Variants in RSU1 observed in about 807,000 individuals in gnomAD.
RSU1 encodes the protein rsu-1.
Under a neutral mutation model 31.1 loss-of-function variants are expected in RSU1, and 26 were observed. That is an observed-to-expected ratio of 0.84 (90% CI 0.61 to 1.16). RSU1 has a LOEUF of 1.16. Among genes scored for constraint, RSU1 ranks in the 50% most tolerant of loss-of-function variants. The pLI, the probability that RSU1 is intolerant of heterozygous loss-of-function variation, is 0.00. For synonymous variants in RSU1, 164 were observed against 136.3 expected (o/e 1.20, Z -1.41); for missense variants, 320 against 339.1 (o/e 0.94, Z 0.44).
At chr10:16,740,204 A>G (rs897774513) in intron 7 of RSU1, among the ~76,000 whole-genome samples, 15 of 152,180 alleles carry the variant, frequency 9.9e-5, no homozygotes, top group African/African-American at 3.6e-4. Flanking sequence ...AAAAATTTTA[A>G]GTAAAATACT....
In RSU1 at chr10:16,591,055, G is replaced by A. The variant is rs1412004555; in HGVS notation, c.*2339C>T. On this transcript the variant is annotated 3_prime_UTR_variant, in exon 9 of 9. Coordinates refer to ENST00000345264, the MANE Select transcript of RSU1 (RefSeq NM_012425.4). ...GCCTCCTGAGCAGCTGGGACTACAGGCGCATGCTGCGACGCCCGGCTAATT... is the reference window on the plus strand; with the variant it reads ...GCCTCCTGAGCAGCTGGGACTACAGACGCATGCTGCGACGCCCGGCTAATT... The A allele has an allele frequency of 6.6e-6, 1 of 152,154 alleles. No homozygotes were observed. The highest frequency in any genetic ancestry group is 2.4e-5 in the African/African-American group (1 of 41,426). The allele number at this position is 152,154 out of a possible 1,614,324, so 9.4% of individuals were successfully genotyped here. A position where few individuals can be genotyped will look rare whatever the true frequency, so the allele number is the denominator to read the frequency against.
In RSU1 at chr10:16,782,082, T is replaced by C. The variant is rs1464937233; in HGVS notation, c.112A>G (p.Thr38Ala). The stretch of plus-strand genomic sequence containing the variant: ...ACCAGTTGTGTGATATGGGATAAGG[T>C]AACTAAAAAGAAAAGAAAAAAAAAA... ...SNMLDVNGLF[T>A]LSHITQLVLS... is the part of the protein sequence containing the mutation. Residue 38 changes from threonine to alanine, a missense_variant and splice_region_variant, in exon 3 of 9, where the codon ACC (threonine) becomes GCC (alanine). Transcript: ENST00000345264. 6 of 1,605,444 alleles carry C rather than the reference T, an allele frequency of 3.7e-6. No homozygotes were observed. Among genetic ancestry groups the C allele is most frequent in the Non-Finnish European group, 5.1e-6 (6 of 1,176,894 alleles).
At chr10:16,722,953 T>TAC (rs1226507203) in intron 7 of RSU1, 1 of 148,550 alleles carries the variant, frequency 6.7e-6, no homozygotes, top group Admixed American at 6.9e-5. Flanking sequence ...TATGTATATA[T>TAC]ACACACATAT....
chr10:16,727,144 G>A, intron 7 of RSU1: 1 of 456,538 alleles, frequency 2.2e-6, no homozygotes, highest in Non-Finnish European at 4.4e-6. Context: ...ACAGGATGTG[G>A]CCTCCCATCT....
At chr10:16,762,881 C>T (rs1422884293) in intron 4 of RSU1, among the ~76,000 whole-genome samples, 2 of 151,836 alleles carry the variant, frequency 1.3e-5, no homozygotes, top group Non-Finnish European at 2.9e-5. Flanking sequence ...GGCATGGTGG[C>T]GCACGCCTGT....
At chr10:16,812,747 G>T (rs184978179) in intron 2 of RSU1, among the ~76,000 whole-genome samples, 1 of 151,628 alleles carries the variant, frequency 6.6e-6, no homozygotes, top group Admixed American at 6.6e-5. Flanking sequence ...ACCCAGAGAG[G>T]GCAATACACT....
intron 7 of RSU1, among the ~76,000 whole-genome samples, chr10:16,720,720 T>A (rs1168594486): frequency 6.6e-6 from 1 of 152,232 alleles, no homozygotes; most frequent in African/African-American, 2.4e-5. Context: ...CAAACCCCCA[T>A]CCAGCTATCA....
At chr10:16,795,269 G>T (rs1236632208) in intron 2 of RSU1, among the ~76,000 whole-genome samples, 2 of 147,482 alleles carry the variant, frequency 1.4e-5, no homozygotes, top group African/African-American at 5.0e-5. Flanking sequence ...CAGGAGAATT[G>T]CTTGAACCCA....
At chr10:16,734,903 C>G (rs73606835) in intron 7 of RSU1, among the ~76,000 whole-genome samples, 1,734 of 152,168 alleles carry the variant, frequency 0.011, 33 homozygotes, top group African/African-American at 0.039. Context: ...GTTGTCCTTA[C>G]AAGAAGGGCA....
intron 7 of RSU1, among the ~76,000 whole-genome samples, chr10:16,710,577 TG>T (rs1185591871): frequency 6.6e-6 from 1 of 151,204 alleles, no homozygotes; most frequent in African/African-American, 2.5e-5. Flanking sequence ...TGAGGAGAAC[TG>T]TTATTAGTTC....
At chr10:16,613,137 A>G (rs755389076) in intron 8 of RSU1, among the ~76,000 whole-genome samples, 1 of 152,128 alleles carries the variant, frequency 6.6e-6, no homozygotes, top group Non-Finnish European at 1.5e-5. Flanking sequence ...CATTACAGTT[A>G]TTCCCCCTCT....
chr10:16,786,320 G>A (rs981652840), intron 2 of RSU1, among the ~76,000 whole-genome samples: 5 of 152,144 alleles, frequency 3.3e-5, no homozygotes, highest in African/African-American at 1.2e-4. Context: ...AATTGCCCCT[G>A]ATTTGGCCAG....
At chr10:16,806,585 C>T (rs533333045) in intron 2 of RSU1, among the ~76,000 whole-genome samples, 32 of 152,178 alleles carry the variant, frequency 2.1e-4, no homozygotes, top group Non-Finnish European at 3.4e-4. Flanking sequence ...TAAATGTGTG[C>T]GTGTATTATA....
intron 8 of RSU1, among the ~76,000 whole-genome samples, chr10:16,650,740 C>G (rs545058246): frequency 2.1e-5 from 3 of 144,894 alleles, no homozygotes; most frequent in Non-Finnish European, 4.6e-5. Context: ...CCACCACACC[C>G]GGCTACTTTT....
Position 16,695,169 on chromosome 10 carries a change from A to AGGGG in RSU1, c.599-15_599-14insCCCC, listed in dbSNP as rs752388577. On this transcript the variant is annotated splice_polypyrimidine_tract_variant and intron_variant, in intron 7 of 8. Transcript: ENST00000345264. ...AATCCAAGTTTCCTGGGGGGGGGGA[A>AGGGG]AAAAAAAGTGAAGGTCACTTCATCC... The AGGGG allele has an allele frequency of 4.3e-4, 514 of 1,182,940 alleles. 2 individuals carry two copies. The highest frequency in any genetic ancestry group is 9.3e-4 in the Admixed American group (45 of 48,206). The allele number at this position is 1,182,940 out of a possible 1,614,324, so 73.3% of individuals were successfully genotyped here.
chr10:16,754,927 T>A lies in RSU1; in HGVS notation c.344A>T (p.Asp115Val). The A allele has an allele frequency of 1.2e-6, 2 of 1,613,570 alleles. No individual in the cohort carries two copies. Among genetic ancestry groups the A allele is most frequent in the Non-Finnish European group, 1.7e-6 (2 of 1,179,762 alleles). Residue 115 changes from aspartate (D) to valine (V), a missense_variant, in exon 5 of 9, where the codon GAC becomes GTC. Coordinates refer to ENST00000345264, the MANE Select transcript of RSU1 (RefSeq NM_012425.4). ...FGSLPALEVLDLTYNNLSENS... is the reference protein window; with the variant it reads ...FGSLPALEVLVLTYNNLSENS... ...TTCGCTCAAGTTGTTGTACGTCAAG[T>A]CCAGAACCTCAAGAGCTGGCAGGGA... is the stretch of plus-strand genomic sequence containing the variant.
intron 2 of RSU1, among the ~76,000 whole-genome samples, chr10:16,786,149 G>T (rs564626246): frequency 1.1e-3 from 171 of 152,328 alleles, no homozygotes; most frequent in African/African-American, 4.0e-3. Context: ...CCTACATCAC[G>T]CAAGGCAGCC....
At chr10:16,742,372 C>G (rs2040026) in intron 7 of RSU1, among the ~76,000 whole-genome samples, 8 of 152,156 alleles carry the variant, frequency 5.3e-5, no homozygotes, top group Non-Finnish European at 1.2e-4. Flanking sequence ...TGAGGGACAA[C>G]TGTCACCCAC....
chr10:16,756,055 T>C (rs1195439600), intron 4 of RSU1, among the ~76,000 whole-genome samples: 1 of 152,230 alleles, frequency 6.6e-6, no homozygotes, highest in East Asian at 1.9e-4. Flanking sequence ...TGAAGCTTTG[T>C]AGTTTTCAGG....
Sources: allele counts gnomAD v4.1 joint callset (sites outside exome capture counted in the v4.1 genomes callset), GRCh38; gene constraint gnomAD v4.1.1; transcripts MANE v1.5; gene names NCBI Gene and HGNC (gene_info 2026-07-23, HGNC 2026-07-21).